The following TVP23B variants were observed in gnomAD, a reference collection of about 807,000 sequenced individuals.
The protein encoded by TVP23B is trans-golgi network vesicle protein 23 homolog B, also known as Golgi apparatus membrane protein TVP23 homolog B.
A neutral mutation model predicts 30.6 loss-of-function variants in TVP23B; 10 were observed. The ratio of observed to expected loss-of-function variants is 0.33; its 90% CI spans 0.20 to 0.55. The LOEUF (loss-of-function observed/expected upper bound fraction) is 0.55, where lower values mean the gene tolerates loss of function less well. Ranked by LOEUF, TVP23B falls within the 20% of genes least tolerant of loss-of-function variation. The pLI is 0.91. For synonymous variants in TVP23B, 67 were observed against 83.1 expected, an observed-to-expected ratio of 0.81 and a Z score of 1.06; for missense variants, 153 against 243.2, an observed-to-expected ratio of 0.63 and a Z score of 2.47.
At chr17:18,801,036 A>G (rs1231509427) in intron 5 of TVP23B, among the ~76,000 whole-genome samples, 67 of 151,340 alleles carry the variant, frequency 4.4e-4, no homozygotes, top group Middle Eastern at 6.8e-3. Context: ...AAAAAATACA[A>G]CAGGGGATGT....
At chr17:18,800,834 C>G (rs1201595258) in intron 5 of TVP23B, among the ~76,000 whole-genome samples, 1 of 152,206 alleles carries the variant, frequency 6.6e-6, no homozygotes, top group Non-Finnish European at 1.5e-5. Context: ...TATGTTGGAT[C>G]ATTTTTATTT....
At chr17:18,788,504 G>A (rs1475635580) in intron 1 of TVP23B, among the ~76,000 whole-genome samples, 1 of 152,196 alleles carries the variant, frequency 6.6e-6, no homozygotes, top group Admixed American at 6.5e-5. Context: ...AATAGAGGCC[G>A]GGCGTGGTGG....
intron 1 of TVP23B, among the ~76,000 whole-genome samples, chr17:18,786,099 A>G (rs1410283239): frequency 6.6e-6 from 1 of 152,098 alleles, no homozygotes; most frequent in Non-Finnish European, 1.5e-5. Flanking sequence ...TCTCATCTCT[A>G]CTTTGCTTGT....
In TVP23B at chr17:18,798,815, T is replaced by G. The variant is rs773158083; in HGVS notation, c.334T>G (p.Ser112Ala). 2 of 1,607,996 alleles carry G rather than the reference T, an allele frequency of 1.2e-6. No individual in the cohort carries two copies. The highest frequency in any genetic ancestry group is 2.2e-5 in the South Asian group (2 of 90,312). Residue 112 changes from serine (S) to alanine (A), a missense_variant, in exon 5 of 7, where the codon TCC becomes GCC. Physicochemically the swap from Ser to Ala is moderately conservative, Grantham distance 99 (BLOSUM62 1). Around this residue, in one of 3 missense-constraint regions of TVP23B, gnomAD observed 53 missense variants for 128.0 expected, o/e 0.41. Transcript: ENST00000307767. The stretch of plus-strand genomic sequence containing the variant: ...TTGAATTTATGTTCTTTTATAGGAG[T>G]CCTCTCAAGAGAATAAAACTGTGTC... ...SHWVFESRKE[S>A]SQENKTVSEA...
intron 3 of TVP23B, among the ~76,000 whole-genome samples, chr17:18,791,807 TAATA>T (rs1304258482): frequency 1.3e-5 from 2 of 151,974 alleles, no homozygotes; most frequent in Non-Finnish European, 2.9e-5. Context: ...GATAGGTACA[TAATA>T]AATAGATAAG....
In TVP23B at chr17:18,789,354, A is replaced by G. The variant is rs1287940885; in HGVS notation, c.14A>G (p.Asp5Gly). 1.2e-6 allele frequency: 2 copies of G among 1,613,964 alleles called. No homozygotes were observed. The highest frequency in any genetic ancestry group is 4.5e-5 in the East Asian group (2 of 44,886). The stretch of plus-strand genomic sequence containing the variant: ...TTGACCATTTATTTTTCCTACCAGG[A>G]TAGTAATGATGACACTGAAGATGTT... MLQQ[D>G]SNDDTEDVSL... is the part of the protein sequence containing the mutation. Residue 5 changes from aspartate (D) to glycine (G), a missense_variant and splice_region_variant, in exon 2 of 7, where the codon GAT becomes GGT. By Grantham distance (94) the Asp-to-Gly change is moderately conservative. Transcript: ENST00000307767.
chr17:18,781,718 A>G (rs1368587040), intron 1 of TVP23B: 1 of 234,898 alleles, frequency 4.3e-6, no homozygotes, highest in Non-Finnish European at 8.2e-6. Flanking sequence ...CTGTTTCCAA[A>G]CTAATGTTGT....
At chr17:18,783,402 G>A (rs985519657) in intron 1 of TVP23B, among the ~76,000 whole-genome samples, 4 of 152,214 alleles carry the variant, frequency 2.6e-5, no homozygotes, top group Non-Finnish European at 5.9e-5. Flanking sequence ...CGCCAGGCCC[G>A]GCCGACGGTT....
intron 1 of TVP23B, 53 bp downstream of exon 1, chr17:18,781,358 C>G: frequency 1.9e-6 from 3 of 1,558,470 alleles, no homozygotes; most frequent in Non-Finnish European, 2.6e-6. Context: ...ACTGGCTCTG[C>G]AGGTTCCGTG....
intron 6 of TVP23B, among the ~76,000 whole-genome samples, chr17:18,804,777 A>G (rs1413644966): frequency 6.6e-6 from 1 of 151,848 alleles, no homozygotes; most frequent in Non-Finnish European, 1.5e-5. Context: ...TTCAGTAGAG[A>G]TGGGATTTCA....
intron 3 of TVP23B, among the ~76,000 whole-genome samples, chr17:18,794,121 GTTTAACAAACTACTATC>G (rs1012739498): frequency 1.2e-4 from 18 of 152,096 alleles, no homozygotes; most frequent in Admixed American, 2.0e-4. Context: ...ATTATGATGA[GTTTAACAAACTACTATC>G]TTTAACAAAC....
intron 3 of TVP23B, 147 bp downstream of exon 3, chr17:18,791,187 G>GTTTTTTTTTTTTTTTTTTTTTT (rs762889436): frequency 9.2e-6 from 1 of 109,174 alleles, no homozygotes; most frequent in African/African-American, 4.9e-5. Context: ...ATTGCATGTA[G>GTTTTTTTTTTTTTTTTTTTTTT]TTTTTTTTTT....
chr17:18,795,293 CAT>C (rs2036061252), intron 3 of TVP23B, among the ~76,000 whole-genome samples: 1 of 152,060 alleles, frequency 6.6e-6, no homozygotes, highest in African/African-American at 2.4e-5. Context: ...TATATCTTAA[CAT>C]GTGTAAAATA....
intron 3 of TVP23B, among the ~76,000 whole-genome samples, chr17:18,792,669 CA>C (rs1216556205): frequency 1.3e-5 from 2 of 152,110 alleles, no homozygotes; most frequent in African/African-American, 4.8e-5. Flanking sequence ...AAAATGCGAT[CA>C]AAATAGTTTA....
intron 3 of TVP23B, among the ~76,000 whole-genome samples, chr17:18,794,971 GTCT>G (rs889628379): frequency 2.9e-5 from 4 of 139,648 alleles, no homozygotes; most frequent in East Asian, 2.1e-4. Flanking sequence ...CTCTCCATGT[GTCT>G]TCTTGACGTT....
At chr17:18,802,364 G>T (rs1216041229) in intron 5 of TVP23B, among the ~76,000 whole-genome samples, 1 of 152,182 alleles carries the variant, frequency 6.6e-6, no homozygotes, top group Non-Finnish European at 1.5e-5. Flanking sequence ...ATCCTTCTGC[G>T]CTTCCTCTCC....
chr17:18,804,198 A>G lies in TVP23B; in HGVS notation c.523A>G (p.Lys175Glu). The change falls in exon 6 of 7, where the codon AAG becomes GAG. Residue 175 changes from lysine (K) to glutamate (E), a missense_variant. This residue lies in a region of TVP23B where 62 missense variants were observed against 74.3 expected (regional missense o/e 0.83). Coordinates refer to ENST00000307767, the MANE Select transcript of TVP23B (RefSeq NM_016078.6). ...CAACCTGTATGGTTACATCAGGTGT[A>G]AGGTGCGCAGCAGAAAGCATTTAAC... ...GANLYGYIRCKVRSRKHLTSM... is the reference protein window; with the variant it reads ...GANLYGYIRCEVRSRKHLTSM... The G allele has an allele frequency of 6.2e-7, 1 of 1,612,924 alleles. No homozygotes were observed. The highest frequency in any genetic ancestry group is 8.5e-7 in the Non-Finnish European group (1 of 1,179,632).
intron 1 of TVP23B, chr17:18,781,508 G>A (rs1486229352): frequency 1.1e-6 from 1 of 920,848 alleles, no homozygotes; most frequent in Non-Finnish European, 1.6e-6. Context: ...GACCCGTGCG[G>A]CGCAGAGCAA....
intron 3 of TVP23B, among the ~76,000 whole-genome samples, chr17:18,791,761 T>G (rs1291451653): frequency 6.6e-6 from 1 of 152,054 alleles, no homozygotes; most frequent in East Asian, 1.9e-4. Flanking sequence ...GGTTTCAAAC[T>G]CAAGAACAAT....
Sources: gnomAD v4.1 joint callset for allele counts (sites outside exome capture counted in the v4.1 genomes callset) on GRCh38, gnomAD v4.1.1 for gene constraint, gnomAD v4.1.1 regional missense constraint, MANE v1.5 for transcripts, NCBI Gene and HGNC (gene_info 2026-07-23, HGNC 2026-07-21) for gene names.